Variants in TEX2 observed in about 807,000 individuals in gnomAD.
TEX2 encodes testis-expressed protein 2.
In TEX2, 53 loss-of-function variants were observed where a neutral mutation model predicts 106.9. The ratio of observed to expected loss-of-function variants is 0.50; its 90% CI spans 0.40 to 0.62. TEX2 has a LOEUF of 0.62. TEX2 is among the 20% of genes least tolerant of loss of function. The probability of loss-of-function intolerance (pLI) is 0.00; values close to 1 mark genes in which losing one functional copy is unlikely to be tolerated. For synonymous variants in TEX2, 523 were observed against 534.8 expected (o/e 0.98, Z 0.30); for missense variants, 1,207 against 1,379.0 (o/e 0.88, Z 1.98).
At chr17:64,230,555 T>A (rs1555634503) in intron 1 of TEX2, 1 of 152,198 alleles carries the variant, frequency 6.6e-6, no homozygotes, top group Non-Finnish European at 1.5e-5. Context: ...ATGAGATGAT[T>A]GGGATTCAGA....
At chr17:64,234,377 A>G (rs2143340507) in intron 1 of TEX2, among the ~76,000 whole-genome samples, 1 of 152,364 alleles carries the variant, frequency 6.6e-6, no homozygotes, top group African/African-American at 2.4e-5. Flanking sequence ...CCAGATGATT[A>G]GCGTTGAGTT....
intron 4 of TEX2, among the ~76,000 whole-genome samples, chr17:64,188,634 G>A (rs541937469): frequency 4.1e-4 from 62 of 152,150 alleles, no homozygotes; most frequent in African/African-American, 1.4e-3. Flanking sequence ...GGCTAACACA[G>A]TGAAACCCCA....
intron 7 of TEX2, 141 bp downstream of exon 7, chr17:64,170,959 T>C: frequency 1.5e-6 from 1 of 686,084 alleles, no homozygotes; most frequent in Non-Finnish European, 2.5e-6. Flanking sequence ...AGGCCATGAC[T>C]GGTAAGAACA....
At chr17:64,183,067 G>A (rs577324976) in intron 5 of TEX2, among the ~76,000 whole-genome samples, 54 of 152,034 alleles carry the variant, frequency 3.6e-4, no homozygotes, top group Middle Eastern at 3.4e-3. Flanking sequence ...TACTACGCCC[G>A]GCTAATTTTT....
chr17:64,184,481 A>G (rs774188527), intron 5 of TEX2, among the ~76,000 whole-genome samples: 1 of 152,098 alleles, frequency 6.6e-6, no homozygotes, highest in African/African-American at 2.4e-5. Context: ...CCAGTCCTTT[A>G]TATTTCTAGG....
chr17:64,187,700 A>C (rs1021602566), intron 5 of TEX2, among the ~76,000 whole-genome samples: 1 of 152,024 alleles, frequency 6.6e-6, no homozygotes, highest in Non-Finnish European at 1.5e-5. Flanking sequence ...CTGTTCCTCG[A>C]ATATTCCAAG....
chr17:64,213,981 G>T lies in TEX2; in HGVS notation c.237C>A (p.Pro79=). The change falls in exon 2 of 12, where the codon CCC becomes CCA. Residue 79 remains proline (P), a synonymous_variant. Transcript: ENST00000584379. The surrounding 1 kb of genome is among the most constrained non-coding windows in gnomAD (Gnocchi z 4.4). ...LEAKEDLYLE[P]QVGHDPAGPA... ...GGCCGGCGGGGTCATGGCCAACTTG[G>T]GGTTCAAGATAGAGGTCTTCCTTGG... is the stretch of plus-strand genomic sequence containing the variant. 1 of 1,614,170 alleles carries T rather than the reference G, an allele frequency of 6.2e-7. No individual in the cohort carries two copies. The highest frequency in any genetic ancestry group is 1.7e-5 in the Admixed American group (1 of 60,028).
chr17:64,188,641 C>G lies in TEX2; in HGVS notation c.2177-226G>C, dbSNP rs9895383. 4.8e-3 allele frequency among the ~76,000 whole-genome samples: 729 copies of G among 151,990 alleles called. 4 individuals carry two copies. The highest frequency in any genetic ancestry group is 0.016 in the African/African-American group (654 of 41,436). On this transcript the variant is annotated intron_variant, in intron 4 of 11. Coordinates refer to ENST00000584379, the MANE Select transcript of TEX2 (RefSeq NM_001288732.2). ...ACCATCCTGGCTAACACAGTGAAAC[C>G]CCATCTCTACTAAAAATACAAAAAA...
chr17:64,181,586 C>T (rs1426693150), intron 5 of TEX2, among the ~76,000 whole-genome samples: 1 of 151,702 alleles, frequency 6.6e-6, no homozygotes, highest in African/African-American at 2.4e-5. Context: ...GGCGCGATCT[C>T]GACTCACTGC....
chr17:64,232,999 G>A (rs553457910), intron 1 of TEX2, among the ~76,000 whole-genome samples: 33 of 152,068 alleles, frequency 2.2e-4, no homozygotes, highest in Non-Finnish European at 4.1e-4. Flanking sequence ...TTGAGGGAAG[G>A]GTTAGTGTAC....
chr17:64,159,181 C>T (rs1156879410), intron 8 of TEX2, among the ~76,000 whole-genome samples: 2 of 152,176 alleles, frequency 1.3e-5, no homozygotes, highest in Non-Finnish European at 2.9e-5. Flanking sequence ...GGTTGCCACC[C>T]CCGGTGCCCA....
chr17:64,204,596 A>G (rs2032771177), intron 2 of TEX2, among the ~76,000 whole-genome samples: 2 of 152,202 alleles, frequency 1.3e-5, no homozygotes, highest in African/African-American at 4.8e-5. Flanking sequence ...CCATTTGAAC[A>G]CCACTGAAAG....
intron 1 of TEX2, among the ~76,000 whole-genome samples, chr17:64,224,902 C>G (rs2033462102): frequency 6.6e-6 from 1 of 151,496 alleles, no homozygotes; most frequent in South Asian, 2.1e-4. Context: ...TTCAGCACAA[C>G]CATACAAGGC....
chr17:64,190,267 T>G (rs2032246657), intron 4 of TEX2, among the ~76,000 whole-genome samples: 1 of 152,044 alleles, frequency 6.6e-6, no homozygotes, highest in African/African-American at 2.4e-5. Context: ...TCAAAAACAT[T>G]AAAAAATAGA....
Position 64,188,404 on chromosome 17 carries a change from C to G in TEX2, c.2188G>C (p.Ala730Pro), listed in dbSNP as rs1269779283. The G allele has an allele frequency of 1.9e-6, 3 of 1,614,040 alleles. No individual in the cohort carries two copies. In the African/African-American group the frequency reaches 4.0e-5, roughly 22 times the overall value. ...GACGGACTGTTGTGTCTGCTGTGTG[C>G]AGGCAAAAGCCCTGGAGCCAAGAAG... ...VSGGKPGLLP[A>P]HSRHNSPSGH... The change falls in exon 5 of 12, where the codon GCA (alanine) becomes CCA (proline). Residue 730 changes from alanine (A) to proline (P), a missense_variant. This residue lies in a region of TEX2 where 1,067 missense variants were observed against 1,193.6 expected (regional missense o/e 0.89). Transcript: ENST00000584379.
intron 5 of TEX2, among the ~76,000 whole-genome samples, chr17:64,186,705 T>C (rs2032088110): frequency 6.6e-6 from 1 of 152,054 alleles, no homozygotes; most frequent in South Asian, 2.1e-4. Context: ...TAGCTCCAGC[T>C]ACTTGGGAGG....
chr17:64,189,152 A>G (rs757156111), intron 4 of TEX2, among the ~76,000 whole-genome samples: 1 of 152,196 alleles, frequency 6.6e-6, no homozygotes, highest in African/African-American at 2.4e-5. Flanking sequence ...AGCACTTTCA[A>G]GCACACCATG....
rs919188016 is a variant in TEX2 at position 64,260,013 on chromosome 17, G to A, written c.-26+3155C>T. On this transcript the variant is annotated intron_variant, in intron 1 of 11. Transcript: ENST00000584379. ...AAAGAAACTGAGGTACACAGAAAGA[G>A]AAGTAATTTACCCTTAAGGTCACAG... 3.9e-5 allele frequency among the ~76,000 whole-genome samples: 6 copies of A among 152,316 alleles called. No individual in the cohort carries two copies. The East Asian group carries it at 5.8e-4, about 15-fold the overall frequency.
intron 1 of TEX2, among the ~76,000 whole-genome samples, chr17:64,234,969 C>T (rs771671902): frequency 6.6e-6 from 1 of 151,974 alleles, no homozygotes; most frequent in Non-Finnish European, 1.5e-5. Context: ...TACTGGGCAG[C>T]GCATGACCCA....
Sources: gnomAD v4.1 joint callset for allele counts (sites outside exome capture counted in the v4.1 genomes callset) on GRCh38, gnomAD v4.1.1 for gene constraint, gnomAD v4.1.1 regional missense constraint, Gnocchi (gnomAD v3.1) non-coding constraint, MANE v1.5 for transcripts, NCBI Gene and HGNC (gene_info 2026-07-23, HGNC 2026-07-21) for gene names.